CSMD1: variants seen among roughly 807,000 people sequenced by gnomAD.
CSMD1 encodes the protein CUB and sushi domain-containing protein 1.
In CSMD1, 213 loss-of-function variants were observed where a neutral mutation model predicts 417.5. The observed-to-expected ratio is 0.51, with a 90% CI of 0.46 to 0.57. The LOEUF is 0.57. Ranked by LOEUF, CSMD1 falls within the 20% of genes least tolerant of loss-of-function variation. The pLI is 0.00. For missense variants in CSMD1, 6,923 were observed against 4,529.7 expected (o/e 1.53, Z -15.17); for synonymous variants, 2,862 against 1,736.8 (o/e 1.65, Z -16.11).
At chr8:4,185,509 T>G (rs1237077016) in intron 3 of CSMD1, among the ~76,000 whole-genome samples, 1 of 152,074 alleles carries the variant, frequency 6.6e-6, no homozygotes, top group East Asian at 1.9e-4. Flanking sequence ...AAAACACTAT[T>G]CTGCTAATAC....
chr8:4,456,277 G>A (rs1053043255), intron 2 of CSMD1, among the ~76,000 whole-genome samples: 1 of 152,010 alleles, frequency 6.6e-6, no homozygotes, highest in Non-Finnish European at 1.5e-5. Context: ...TGTTAAGTGA[G>A]ATCTAAAAGC....
At chr8:3,743,273 A>G (rs568115277) in intron 6 of CSMD1, among the ~76,000 whole-genome samples, 70 of 152,370 alleles carry the variant, frequency 4.6e-4, no homozygotes, top group Middle Eastern at 3.4e-3. Flanking sequence ...TATTCAAGGA[A>G]CATGAAGCGA....
At chr8:4,623,024 T>C (rs1362351008) in intron 2 of CSMD1, among the ~76,000 whole-genome samples, 1 of 152,108 alleles carries the variant, frequency 6.6e-6, no homozygotes. Context: ...TTTTTAAGAC[T>C]AAAAAATGTT....
chr8:3,340,608 G>A (rs562471893), intron 23 of CSMD1, among the ~76,000 whole-genome samples: 1 of 152,036 alleles, frequency 6.6e-6, no homozygotes, highest in Non-Finnish European at 1.5e-5. Context: ...TTATCTAACC[G>A]GTCATCATTT....
intron 3 of CSMD1, among the ~76,000 whole-genome samples, chr8:4,271,852 A>T (rs749489437): frequency 2.0e-5 from 3 of 152,174 alleles, no homozygotes; most frequent in Admixed American, 6.6e-5. Context: ...TTTGAAAGGC[A>T]CAGTGCATTC....
chr8:4,831,067 G>C (rs949581193), intron 1 of CSMD1, among the ~76,000 whole-genome samples: 2 of 152,126 alleles, frequency 1.3e-5, no homozygotes, highest in Non-Finnish European at 2.9e-5. Context: ...CCAACCATGC[G>C]AACTCAAAGT....
intron 26 of CSMD1, among the ~76,000 whole-genome samples, chr8:3,262,635 A>G (rs1218300577): frequency 2.6e-5 from 4 of 152,160 alleles, no homozygotes; most frequent in African/African-American, 9.7e-5. Flanking sequence ...CACAGGTATT[A>G]AAGTAGAGGT....
At chr8:4,129,606 C>T (rs1285894108) in intron 3 of CSMD1, among the ~76,000 whole-genome samples, 6 of 151,804 alleles carry the variant, frequency 4.0e-5, no homozygotes, top group African/African-American at 7.3e-5. Context: ...TTATTACTGA[C>T]CTACTCTGAC....
chr8:4,100,099 C>G (rs998552632), intron 3 of CSMD1, among the ~76,000 whole-genome samples: 6 of 152,172 alleles, frequency 3.9e-5, no homozygotes, highest in African/African-American at 1.4e-4. Context: ...CTCCTACTCA[C>G]TGGCTTTCTG....
intron 2 of CSMD1, among the ~76,000 whole-genome samples, chr8:4,589,231 A>G (rs992987495): frequency 6.6e-6 from 1 of 152,304 alleles, no homozygotes; most frequent in Middle Eastern, 3.4e-3. Context: ...ACATTTTTCT[A>G]TATTGGAAAA....
At chr8:3,589,054 G>A (rs888651706) in intron 8 of CSMD1, among the ~76,000 whole-genome samples, 4 of 152,138 alleles carry the variant, frequency 2.6e-5, no homozygotes, top group Non-Finnish European at 5.9e-5. Context: ...TGTTAAGATG[G>A]CTATTATCAA....
intron 21 of CSMD1, among the ~76,000 whole-genome samples, chr8:3,348,967 A>G (rs1233108685): frequency 6.6e-6 from 1 of 152,208 alleles, no homozygotes; most frequent in Non-Finnish European, 1.5e-5. Flanking sequence ...TCACAGAAAA[A>G]TAAAGTGGCT....
At chr8:4,065,227 C>T (rs1799183167) in intron 3 of CSMD1, among the ~76,000 whole-genome samples, 1 of 152,136 alleles carries the variant, frequency 6.6e-6, no homozygotes, top group East Asian at 1.9e-4. Context: ...GTCCTAAACA[C>T]ATAAACAATT....
At position 3,887,473 on chromosome 8, in the gene CSMD1, G is replaced by A. The variant is rs188018807; in HGVS notation, c.818+110430C>T. ...AAGTGGGGCTAATTTTGTTCTAGGC[G>A]TCCAGTTCTCACCTCTGGCTGAACA... On this transcript the variant is annotated intron_variant, in intron 5 of 69. Coordinates refer to ENST00000635120, the MANE Select transcript of CSMD1 (RefSeq NM_033225.6). 5.1e-3 allele frequency among the ~76,000 whole-genome samples: 775 copies of A among 152,228 alleles called. 3 individuals carry two copies. Among genetic ancestry groups the A allele is most frequent in the Middle Eastern group, 0.01 (3 of 294 alleles).
chr8:3,524,421 CCA>C (rs1354107080), intron 10 of CSMD1, among the ~76,000 whole-genome samples: 2 of 141,596 alleles, frequency 1.4e-5, no homozygotes, highest in Non-Finnish European at 3.1e-5. Context: ...GCACACACAA[CCA>C]GACACATCTG....
intron 46 of CSMD1, among the ~76,000 whole-genome samples, chr8:3,099,625 G>C (rs1348304318): frequency 6.6e-6 from 1 of 152,168 alleles, no homozygotes; most frequent in African/African-American, 2.4e-5. Context: ...TGGAACTTCA[G>C]GCCATCTGGA....
chr8:3,196,194 C>A (rs147559900), intron 33 of CSMD1, among the ~76,000 whole-genome samples: 1 of 152,126 alleles, frequency 6.6e-6, no homozygotes, highest in Non-Finnish European at 1.5e-5. Context: ...CCCACCAGCA[C>A]GATGACAGTT....
At position 3,908,856 on chromosome 8, in the gene CSMD1, G is replaced by T. The variant is rs145877348; in HGVS notation, c.818+89047C>A. On this transcript the variant is annotated intron_variant, in intron 5 of 69. Coordinates refer to ENST00000635120, the MANE Select transcript of CSMD1 (RefSeq NM_033225.6). ...CCAACGACATTTTGACTTCTCAAAT[G>T]TTACTGTGAGGTAATATAATAACAC... 4.2e-3 allele frequency among the ~76,000 whole-genome samples: 647 copies of T among 152,298 alleles called. 5 individuals are homozygous for T. The highest frequency in any genetic ancestry group is 0.014 in the African/African-American group (565 of 41,558).
rs367653222 is a variant in CSMD1, at chr8:3,717,235, A to C, written c.932-8744T>G. On this transcript the variant is annotated intron_variant, in intron 6 of 69. Coordinates refer to ENST00000635120, the MANE Select transcript of CSMD1 (RefSeq NM_033225.6). ...ATTATATTAGTAAACGTACCTTTCC[A>C]TTATGCTACATTTTTTAAATTCAGA... 2.6e-4 allele frequency among the ~76,000 whole-genome samples: 40 copies of C among 152,288 alleles called. No homozygotes were observed. The East Asian group carries it at 5.8e-3, about 22-fold the overall frequency.
Sources: gnomAD v4.1 joint callset for allele counts (sites outside exome capture counted in the v4.1 genomes callset) on GRCh38, gnomAD v4.1.1 for gene constraint, MANE v1.5 for transcripts, NCBI Gene and HGNC (gene_info 2026-07-23, HGNC 2026-07-21) for gene names.